Variants in PCDH7 observed in about 807,000 individuals in gnomAD.
PCDH7 encodes the protein protocadherin-7.
Under a neutral mutation model 58.9 loss-of-function variants are expected in PCDH7, and 17 were observed. That is an observed-to-expected ratio of 0.29 (90% CI 0.20 to 0.43). The LOEUF (loss-of-function observed/expected upper bound fraction) is 0.43, where lower values mean the gene tolerates loss of function less well. Ranked by LOEUF, PCDH7 falls within the 20% of genes least tolerant of loss-of-function variation. The pLI is 1.00. For synonymous variants in PCDH7, 664 were observed against 616.4 expected (o/e 1.08, Z -1.14); for missense variants, 1,274 against 1,441.0 (o/e 0.88, Z 1.88).
chr4:30,873,378 T>C (rs1317922689), intron 1 of PCDH7, among the ~76,000 whole-genome samples: 2 of 152,134 alleles, frequency 1.3e-5, no homozygotes, highest in Admixed American at 1.3e-4. Context: ...TTGGATACAA[T>C]TTAATCATGT....
intron 3 of PCDH7, among the ~76,000 whole-genome samples, chr4:31,102,938 G>A (rs757256408): frequency 7.9e-5 from 12 of 152,034 alleles, no homozygotes; most frequent in African/African-American, 1.9e-4. Flanking sequence ...AGAACTCTAC[G>A]ACAAATATAT....
At chr4:30,968,823 T>C (rs767970630) in intron 3 of PCDH7, among the ~76,000 whole-genome samples, 1 of 152,144 alleles carries the variant, frequency 6.6e-6, no homozygotes, top group Non-Finnish European at 1.5e-5. Flanking sequence ...TATAGTGGCA[T>C]AGGATAACTC....
chr4:31,051,774 A>G (rs1756748894), intron 3 of PCDH7, among the ~76,000 whole-genome samples: 1 of 144,924 alleles, frequency 6.9e-6, no homozygotes, highest in Non-Finnish European at 1.5e-5. Context: ...AATATTACAC[A>G]TTGTCTTAAG....
intron 3 of PCDH7, among the ~76,000 whole-genome samples, chr4:30,997,911 T>TTG (rs1752045114): frequency 6.6e-6 from 1 of 151,756 alleles, no homozygotes; most frequent in Non-Finnish European, 1.5e-5. Flanking sequence ...GTGTGTGTGT[T>TTG]TGTGTGTGTG....
At chr4:30,938,562 T>A (rs1745641326) in intron 2 of PCDH7, among the ~76,000 whole-genome samples, 1 of 151,996 alleles carries the variant, frequency 6.6e-6, no homozygotes, top group South Asian at 2.1e-4. Context: ...TTGAGACACC[T>A]CTTGGAAATA....
intron 1 of PCDH7, among the ~76,000 whole-genome samples, chr4:30,770,086 C>T (rs1721209535): frequency 6.6e-6 from 1 of 152,178 alleles, no homozygotes; most frequent in East Asian, 1.9e-4. Flanking sequence ...TTGGAACAGG[C>T]TTGGTGGGTA....
intron 1 of PCDH7, among the ~76,000 whole-genome samples, chr4:30,824,615 A>G (rs1445029929): frequency 6.6e-6 from 1 of 152,094 alleles, no homozygotes; most frequent in African/African-American, 2.4e-5. Context: ...GTCTTTGACT[A>G]TGATCAAGAG....
intron 1 of PCDH7, among the ~76,000 whole-genome samples, chr4:30,861,536 T>C (rs1238846339): frequency 6.6e-6 from 1 of 152,152 alleles, no homozygotes; most frequent in Non-Finnish European, 1.5e-5. Flanking sequence ...ACTTGTGAAT[T>C]GAGGGATTTA....
intron 3 of PCDH7, among the ~76,000 whole-genome samples, chr4:31,084,712 A>G (rs1325346598): frequency 1.4e-5 from 1 of 71,658 alleles, no homozygotes; most frequent in African/African-American, 5.5e-5. Context: ...AAAAGGGAGG[A>G]GGGGAGGGGA....
chr4:30,886,728 G>A (rs979016311), intron 1 of PCDH7, among the ~76,000 whole-genome samples: 8 of 151,700 alleles, frequency 5.3e-5, no homozygotes, highest in South Asian at 2.1e-4. Flanking sequence ...CAACTCAAAC[G>A]TCCAACAATG....
At chr4:30,754,291 A>G (rs1484334174) in intron 1 of PCDH7, among the ~76,000 whole-genome samples, 2 of 152,162 alleles carry the variant, frequency 1.3e-5, no homozygotes, top group African/African-American at 4.8e-5. Flanking sequence ...GTATCAGACA[A>G]TATACAGATA....
chr4:31,097,592 A>G (rs1287990890), intron 3 of PCDH7, among the ~76,000 whole-genome samples: 4 of 16,252 alleles, frequency 2.5e-4, no homozygotes, highest in South Asian at 5.1e-3. Context: ...ATATACATAT[A>G]TATATATATA....
At chr4:30,966,860 C>T (rs1214433805) in intron 3 of PCDH7, among the ~76,000 whole-genome samples, 1 of 152,084 alleles carries the variant, frequency 6.6e-6, no homozygotes, top group Non-Finnish European at 1.5e-5. Flanking sequence ...TGTGAGAGAA[C>T]ATAATTTAGT....
At chr4:31,098,889 G>A (rs559845701) in intron 3 of PCDH7, among the ~76,000 whole-genome samples, 29 of 152,194 alleles carry the variant, frequency 1.9e-4, no homozygotes, top group African/African-American at 6.7e-4. Flanking sequence ...GTTTGGTTTC[G>A]CCCAAGGCCT....
intron 3 of PCDH7, among the ~76,000 whole-genome samples, chr4:31,076,600 G>A (rs546206405): frequency 6.6e-6 from 1 of 152,074 alleles, no homozygotes; most frequent in African/African-American, 2.4e-5. Context: ...CCAATTCTAA[G>A]AAAGCTACAT....
chr4:31,006,896 AAAAAAAAAAAAG>A (rs1346525194), intron 3 of PCDH7, among the ~76,000 whole-genome samples: 2 of 144,200 alleles, frequency 1.4e-5, no homozygotes, highest in South Asian at 2.3e-4. Flanking sequence ...TTGTCTCAAA[AAAAAAAAAAAAG>A]AAAAAGAAAA....
At chr4:30,884,602 G>C (rs531963829) in intron 1 of PCDH7, 11 of 152,252 alleles carry the variant, frequency 7.2e-5, no homozygotes, top group African/African-American at 2.6e-4. Flanking sequence ...CTAAGATTCA[G>C]AATAGGCATT....
intron 1 of PCDH7, among the ~76,000 whole-genome samples, chr4:30,888,301 C>T (rs1335885273): frequency 6.6e-6 from 1 of 152,142 alleles, no homozygotes; most frequent in South Asian, 2.1e-4. Flanking sequence ...TACACACACA[C>T]ACAGAATCTG....
chr4:30,951,400 G>T (rs1209557839), intron 3 of PCDH7, among the ~76,000 whole-genome samples: 1 of 152,046 alleles, frequency 6.6e-6, no homozygotes, highest in African/African-American at 2.4e-5. Flanking sequence ...ATTAGATAAA[G>T]CTCTGATCAT....
Sources: allele counts gnomAD v4.1 joint callset (sites outside exome capture counted in the v4.1 genomes callset), GRCh38; gene constraint gnomAD v4.1.1; transcripts MANE v1.5; gene names NCBI Gene and HGNC (gene_info 2026-07-23, HGNC 2026-07-21).